Variants in ARID4B observed in about 807,000 individuals in gnomAD.
ARID4B encodes the protein AT-rich interaction domain 4B.
In ARID4B, 26 loss-of-function variants were observed where a neutral mutation model predicts 147.5. That is an observed-to-expected ratio of 0.18 (90% CI 0.13 to 0.24). The LOEUF (loss-of-function observed/expected upper bound fraction) is 0.24, where lower values mean the gene tolerates loss of function less well. Ranked by LOEUF, ARID4B falls within the 10% of genes least tolerant of loss-of-function variation. ARID4B has a pLI of 1.00. For missense variants in ARID4B, 1,179 were observed against 1,511.5 expected, an observed-to-expected ratio of 0.78 and a Z score of 3.65; for synonymous variants, 512 against 507.9, an observed-to-expected ratio of 1.01 and a Z score of -0.11.
chr1:235,275,122 A>G (rs1671237167), intron 2 of ARID4B, among the ~76,000 whole-genome samples: 2 of 152,218 alleles, frequency 1.3e-5, no homozygotes, highest in South Asian at 4.1e-4. Context: ...ACTATCTTAC[A>G]GATGACCAAA....
chr1:235,263,760 G>T (rs1670427624), intron 2 of ARID4B, among the ~76,000 whole-genome samples: 1 of 151,868 alleles, frequency 6.6e-6, no homozygotes, highest in Non-Finnish European at 1.5e-5. Flanking sequence ...GGCTGAGGCG[G>T]GCGGATCACG....
Position 235,236,862 on chromosome 1 carries a change from A to ATT in ARID4B, c.586-2372_586-2371dup, listed in dbSNP as rs869157061. On this transcript the variant is annotated intron_variant, in intron 8 of 23. Transcript: ENST00000264183. ...TATATATATATATATATATATATAT[A>ATT]TTTTTTTTTTTTTTTTTTTTTTTTT... Among the ~76,000 whole-genome samples the ATT allele has an allele frequency of 8.0e-3, 140 of 17,500 alleles. 19 individuals carry two copies. Among genetic ancestry groups the ATT allele is most frequent in the Non-Finnish European group, 0.011 (121 of 10,598 alleles). The allele number at this position is 17,500 out of a possible 152,430, so 11.5% of individuals were successfully genotyped here.
At chr1:235,175,810 A>G (rs1663828548) in intron 21 of ARID4B, among the ~76,000 whole-genome samples, 1 of 152,224 alleles carries the variant, frequency 6.6e-6, no homozygotes, top group South Asian at 2.1e-4. Flanking sequence ...GCCACAAACA[A>G]ATAATGATGC....
At chr1:235,280,779 C>T (rs1012163467) in intron 2 of ARID4B, among the ~76,000 whole-genome samples, 2 of 152,172 alleles carry the variant, frequency 1.3e-5, no homozygotes, top group African/African-American at 4.8e-5. Context: ...GTCCTGCTGG[C>T]GGGAAGGACT....
intron 10 of ARID4B, 98 bp downstream of exon 10, chr1:235,231,015 T>C (rs1357480183): frequency 3.6e-6 from 3 of 834,994 alleles, no homozygotes; most frequent in Non-Finnish European, 5.7e-6. Flanking sequence ...AAAAACATAA[T>C]TTAAAGAAAA....
intron 2 of ARID4B, among the ~76,000 whole-genome samples, chr1:235,309,171 C>T (rs1278362520): frequency 2.7e-5 from 4 of 150,876 alleles, no homozygotes; most frequent in Non-Finnish European, 3.0e-5. Context: ...GCCGTGACCC[C>T]GTCTGGGAGG....
At position 235,234,434 on chromosome 1, in the gene ARID4B, C is replaced by T. The variant is rs1314403068; in HGVS notation, c.644G>A (p.Arg215Gln). The stretch of plus-strand genomic sequence containing the variant: ...TTACAATTTTCCATCTTTGAAAGAT[C>T]GAACAAGAATATTGTCCTTTTTTAC... ...IAVKKDNILV[R>Q]SFKDGKFTSV... The change falls in exon 9 of 24, where the codon CGA becomes CAA. Residue 215 changes from arginine to glutamine, a missense_variant. Arg to Gln is a conservative substitution (Grantham distance 43, BLOSUM62 1). Transcript: ENST00000264183. 2 of 1,604,084 alleles carry T rather than the reference C, an allele frequency of 1.2e-6. No homozygotes were observed. Among genetic ancestry groups the T allele is most frequent in the Non-Finnish European group, 1.7e-6 (2 of 1,173,000 alleles).
intron 11 of ARID4B, among the ~76,000 whole-genome samples, chr1:235,225,789 T>C (rs1255843318): frequency 6.6e-6 from 1 of 152,256 alleles, no homozygotes; most frequent in African/African-American, 2.4e-5. Flanking sequence ...ATGCCACTGC[T>C]TTAGCGAGAT....
intron 2 of ARID4B, among the ~76,000 whole-genome samples, chr1:235,269,927 T>G (rs948054114): frequency 6.6e-6 from 1 of 152,160 alleles, no homozygotes; most frequent in African/African-American, 2.4e-5. Flanking sequence ...ATTGCTCATT[T>G]TTGTTTTTGT....
At chr1:235,314,678 G>A (rs933683529) in intron 2 of ARID4B, among the ~76,000 whole-genome samples, 2 of 151,892 alleles carry the variant, frequency 1.3e-5, no homozygotes, top group African/African-American at 4.8e-5. Context: ...CAACAGCAAG[G>A]TTCCTGGAAT....
At chr1:235,216,849 G>A (rs1667126192) in intron 16 of ARID4B, among the ~76,000 whole-genome samples, 2 of 151,880 alleles carry the variant, frequency 1.3e-5, no homozygotes, top group African/African-American at 4.8e-5. Context: ...TCTTTGCATA[G>A]TGGGGAAAAG....
chr1:235,185,012 T>C (rs1315089114), intron 19 of ARID4B, among the ~76,000 whole-genome samples: 1 of 152,162 alleles, frequency 6.6e-6, no homozygotes, highest in African/African-American at 2.4e-5. Context: ...AGATGAAGTT[T>C]CATCATTTTA....
At chr1:235,236,675 G>A (rs927250188) in intron 8 of ARID4B, among the ~76,000 whole-genome samples, 7 of 147,536 alleles carry the variant, frequency 4.7e-5, no homozygotes, top group South Asian at 2.2e-4. Context: ...CACCATGCTC[G>A]GCTAATTTTT....
chr1:235,242,195 C>A (rs1320081574), intron 7 of ARID4B, among the ~76,000 whole-genome samples: 1 of 151,626 alleles, frequency 6.6e-6, no homozygotes, highest in Non-Finnish European at 1.5e-5. Context: ...TTGCAGTGAG[C>A]CGATATCGCA....
At chr1:235,233,049 G>A (rs1668341933) in intron 9 of ARID4B, among the ~76,000 whole-genome samples, 1 of 152,134 alleles carries the variant, frequency 6.6e-6, no homozygotes, top group African/African-American at 2.4e-5. Flanking sequence ...TGTTAGCCAG[G>A]CTGGTCTTGC....
At chr1:235,295,458 C>T (rs931841797) in intron 2 of ARID4B, among the ~76,000 whole-genome samples, 8 of 149,390 alleles carry the variant, frequency 5.4e-5, no homozygotes, top group Non-Finnish European at 1.0e-4. Context: ...TGTAGTGAGC[C>T]GAGATCATGC....
At chr1:235,297,338 G>A (rs1672810953) in intron 2 of ARID4B, among the ~76,000 whole-genome samples, 1 of 152,046 alleles carries the variant, frequency 6.6e-6, no homozygotes, top group African/African-American at 2.4e-5. Context: ...GGGTTCCTAG[G>A]ACACCAACTC....
intron 2 of ARID4B, among the ~76,000 whole-genome samples, chr1:235,305,054 C>T (rs11582701): frequency 6.6e-6 from 1 of 152,250 alleles, no homozygotes; most frequent in Admixed American, 6.5e-5. Context: ...ATCAGAGTTG[C>T]TAATTAGTTG....
chr1:235,224,816 G>T, intron 11 of ARID4B, 41 bp from the exon 12 acceptor site: 1 of 1,357,400 alleles, frequency 7.4e-7, no homozygotes, highest in Non-Finnish European at 1.0e-6. Context: ...CTTCAATTAA[G>T]CATTTTAATA....
Sources: gnomAD v4.1 joint callset for allele counts (sites outside exome capture counted in the v4.1 genomes callset) on GRCh38, gnomAD v4.1.1 for gene constraint, MANE v1.5 for transcripts, NCBI Gene and HGNC (gene_info 2026-07-23, HGNC 2026-07-21) for gene names.